DPY19L1: variants seen among roughly 807,000 people sequenced by gnomAD.
The protein encoded by DPY19L1 is dpy-19 like C-mannosyltransferase 1.
In DPY19L1, 35 loss-of-function variants were observed where a neutral mutation model predicts 96.9. That is an observed-to-expected ratio of 0.36 (90% CI 0.28 to 0.48). The LOEUF is 0.48. Ranked by LOEUF, DPY19L1 falls within the 20% of genes least tolerant of loss-of-function variation. The pLI is 0.99. For synonymous variants in DPY19L1, 205 were observed against 252.6 expected (o/e 0.81, Z 1.79); for missense variants, 521 against 777.9 (o/e 0.67, Z 3.93).
chr7:34,931,772 A>G (rs776570973), intron 21 of DPY19L1, 43 bp from the exon 22 acceptor site: 7 of 1,548,640 alleles, frequency 4.5e-6, no homozygotes, highest in African/African-American at 1.4e-5. Context: ...TATGCATTAT[A>G]TAACTGCAGA....
rs57262214 is a variant in DPY19L1, at chr7:35,027,668, T to TAAAAAAAAAAAAAAAAAAAAAAAAAA, written c.299-9073_299-9072insTTTTTTTTTTTTTTTTTTTTTTTTTT. 1.5e-3 allele frequency among the ~76,000 whole-genome samples: 104 copies of TAAAAAAAAAAAAAAAAAAAAAAAAAA among 71,348 alleles called. 11 individuals are homozygous for TAAAAAAAAAAAAAAAAAAAAAAAAAA. The highest frequency in any genetic ancestry group is 3.8e-3 in the East Asian group (10 of 2,622). The allele number at this position is 71,348 out of a possible 152,430, so 46.8% of individuals were successfully genotyped here. A position where few individuals can be genotyped will look rare whatever the true frequency, so the allele number is the denominator to read the frequency against. On this transcript the variant is annotated intron_variant, in intron 1 of 21. Coordinates refer to ENST00000638088, the MANE Select transcript of DPY19L1 (RefSeq NM_001366673.1). ...CAACATGGCAAAACCCCGTCTCTAC[T>TAAAAAAAAAAAAAAAAAAAAAAAAAA]AAAAAAAAAAAAAAAAAAAATTAGT... is the stretch of plus-strand genomic sequence containing the variant.
At chr7:35,027,413 CA>C (rs1786150112) in intron 1 of DPY19L1, among the ~76,000 whole-genome samples, 1 of 151,936 alleles carries the variant, frequency 6.6e-6, no homozygotes, top group Admixed American at 6.6e-5. Context: ...GTAGGTTTGG[CA>C]GTTTTAATTT....
chr7:35,007,630 A>G (rs1422482008), intron 6 of DPY19L1, among the ~76,000 whole-genome samples: 1 of 152,128 alleles, frequency 6.6e-6, no homozygotes, highest in Non-Finnish European at 1.5e-5. Context: ...TTTATAGCAA[A>G]TAGAAGTTTC....
At chr7:35,000,724 A>G (rs1785405473) in intron 6 of DPY19L1, 1 of 152,246 alleles carries the variant, frequency 6.6e-6, no homozygotes. Context: ...ATTACAGAAC[A>G]GTAATATTCT....
intron 1 of DPY19L1, among the ~76,000 whole-genome samples, chr7:35,022,927 G>A (rs934259481): frequency 6.6e-6 from 1 of 152,142 alleles, no homozygotes; most frequent in African/African-American, 2.4e-5. Flanking sequence ...TGGTGCTGGC[G>A]GCTGGGCGGA....
Position 34,947,620 on chromosome 7 carries a change from A to C in DPY19L1, c.1494+10T>G. 1.2e-6 allele frequency: 2 copies of C among 1,604,596 alleles called. No homozygotes were observed. Among genetic ancestry groups the C allele is most frequent in the Non-Finnish European group, 1.7e-6 (2 of 1,175,088 alleles). On this transcript the variant is annotated intron_variant, in intron 15 of 21. Transcript: ENST00000638088. ...TATTATAAGAAAGAGCTCTTAAGTGATAGACATACCTTTCTAACAATAGCA... is the reference window on the plus strand; with the variant it reads ...TATTATAAGAAAGAGCTCTTAAGTGCTAGACATACCTTTCTAACAATAGCA...
At chr7:34,987,361 G>C (rs1171490707) in intron 7 of DPY19L1, among the ~76,000 whole-genome samples, 1 of 151,962 alleles carries the variant, frequency 6.6e-6, no homozygotes, top group Non-Finnish European at 1.5e-5. Flanking sequence ...TTTCGGATTT[G>C]AAGGTTTTAA....
intron 1 of DPY19L1, among the ~76,000 whole-genome samples, chr7:35,020,591 A>G (rs1329708061): frequency 6.6e-6 from 1 of 152,082 alleles, no homozygotes; most frequent in Non-Finnish European, 1.5e-5. Context: ...ACATTATTGG[A>G]TATTGTTAAG....
rs201148990 is a variant in DPY19L1 at position 35,017,686 on chromosome 7, TAAATAA to T, written c.411+190_411+195del. Among the ~76,000 whole-genome samples, 873 of 151,038 alleles carry T rather than the reference TAAATAA, an allele frequency of 5.8e-3. 17 individuals are homozygous for T. The highest frequency in any genetic ancestry group is 0.046 in the East Asian group (236 of 5,150). On this transcript the variant is annotated intron_variant, in intron 3 of 21. Transcript: ENST00000638088. ...GACTCCGTCTCGAAAAAAAAATTAA[TAAATAA>T]AAATAAAAAATAAAAAAGACATAGT...
chr7:35,030,997 A>G (rs1326614261), intron 1 of DPY19L1, among the ~76,000 whole-genome samples: 1 of 152,202 alleles, frequency 6.6e-6, no homozygotes, highest in Non-Finnish European at 1.5e-5. Context: ...TTCCCCTGGA[A>G]GAGTAATGTC....
chr7:35,000,985 C>T (rs1584247900), intron 6 of DPY19L1, among the ~76,000 whole-genome samples: 1 of 152,286 alleles, frequency 6.6e-6, no homozygotes, highest in African/African-American at 2.4e-5. Context: ...TTTGGAGCCA[C>T]TGTTGGTACT....
intron 16 of DPY19L1, among the ~76,000 whole-genome samples, chr7:34,943,085 T>C (rs2128782270): frequency 6.6e-6 from 1 of 152,370 alleles, no homozygotes; most frequent in Non-Finnish European, 1.5e-5. Context: ...CTTCTCTTTC[T>C]TAAGCACTGA....
chr7:35,016,018 CTT>C (rs1315290368), intron 3 of DPY19L1, among the ~76,000 whole-genome samples: 1 of 152,166 alleles, frequency 6.6e-6, no homozygotes, highest in African/African-American at 2.4e-5. Flanking sequence ...AAAATCTAAT[CTT>C]GTTTCCATTT....
chr7:35,016,242 C>T (rs1017884719), intron 3 of DPY19L1, among the ~76,000 whole-genome samples: 2 of 152,104 alleles, frequency 1.3e-5, no homozygotes, highest in Non-Finnish European at 2.9e-5. Flanking sequence ...GCCATGGATA[C>T]TAGTGAGGTC....
chr7:35,017,770 T>C, intron 3 of DPY19L1, 112 bp downstream of exon 3: 1 of 687,022 alleles, frequency 1.5e-6, no homozygotes, highest in Non-Finnish European at 2.3e-6. Flanking sequence ...CTGTAGAAGG[T>C]GGAGCATCTA....
intron 6 of DPY19L1, among the ~76,000 whole-genome samples, chr7:34,997,975 G>C (rs1048537237): frequency 2.0e-5 from 3 of 152,150 alleles, no homozygotes; most frequent in African/African-American, 7.2e-5. Flanking sequence ...CAGATGTAAA[G>C]GGGGACATCA....
At chr7:34,998,220 A>C (rs1785337514) in intron 6 of DPY19L1, among the ~76,000 whole-genome samples, 1 of 152,214 alleles carries the variant, frequency 6.6e-6, no homozygotes. Flanking sequence ...CTGACTACTT[A>C]TGTCTACAAA....
chr7:34,990,258 T>C (rs1038491446), intron 6 of DPY19L1, among the ~76,000 whole-genome samples: 4 of 152,234 alleles, frequency 2.6e-5, no homozygotes, highest in Non-Finnish European at 5.9e-5. Flanking sequence ...CTTTTTATTT[T>C]CTTTAGTACC....
intron 9 of DPY19L1, among the ~76,000 whole-genome samples, chr7:34,969,026 A>G (rs932013819): frequency 1.3e-5 from 2 of 152,122 alleles, no homozygotes; most frequent in Non-Finnish European, 2.9e-5. Context: ...TTTATTCTAC[A>G]TGCAAGAATG....
Sources: gnomAD v4.1 joint callset for allele counts (sites outside exome capture counted in the v4.1 genomes callset) on GRCh38, gnomAD v4.1.1 for gene constraint, MANE v1.5 for transcripts, NCBI Gene and HGNC (gene_info 2026-07-23, HGNC 2026-07-21) for gene names.